RNF10: variants seen among roughly 807,000 people sequenced by gnomAD.
RNF10 encodes the protein E3 ubiquitin-protein ligase RNF10.
Under a neutral mutation model 91.4 loss-of-function variants are expected in RNF10, and 38 were observed. The observed-to-expected ratio is 0.42, with a 90% CI of 0.32 to 0.54. The LOEUF (loss-of-function observed/expected upper bound fraction) is 0.54, where lower values mean the gene tolerates loss of function less well. Ranked by LOEUF, RNF10 falls within the 20% of genes least tolerant of loss-of-function variation. RNF10 has a pLI of 0.16. For synonymous variants in RNF10, 364 were observed against 366.3 expected, an observed-to-expected ratio of 0.99 and a Z score of 0.07; for missense variants, 945 against 1,012.0, an observed-to-expected ratio of 0.93 and a Z score of 0.90.
intron 4 of RNF10, among the ~76,000 whole-genome samples, chr12:120,556,611 C>T (rs1874066873): frequency 7.0e-6 from 1 of 143,384 alleles, no homozygotes; most frequent in African/African-American, 2.6e-5. Context: ...AATGACATAG[C>T]ATAAAAACTT....
chr12:120,547,976 T>G (rs1304172819), intron 2 of RNF10, among the ~76,000 whole-genome samples: 1 of 152,140 alleles, frequency 6.6e-6, no homozygotes, highest in East Asian at 1.9e-4. Context: ...TTTGAGATAT[T>G]ACTTCCATAT....
intron 13 of RNF10, among the ~76,000 whole-genome samples, chr12:120,569,212 G>T (rs938761884): frequency 2.6e-5 from 4 of 152,018 alleles, no homozygotes; most frequent in Non-Finnish European, 5.9e-5. Context: ...CAGGTGATCC[G>T]CCAGCTGACC....
At chr12:120,540,336 G>C (rs1871370365) in intron 1 of RNF10, among the ~76,000 whole-genome samples, 1 of 152,092 alleles carries the variant, frequency 6.6e-6, no homozygotes, top group Non-Finnish European at 1.5e-5. Context: ...CTGTGCAAGT[G>C]ATTCTGGTGT....
chr12:120,539,419 G>C (rs1407734554), intron 1 of RNF10: 1 of 1,288,898 alleles, frequency 7.8e-7, no homozygotes, highest in African/African-American at 1.5e-5. Flanking sequence ...TCTGTAGTAA[G>C]GCCATATGTT....
Position 120,546,742 on chromosome 12 carries a change from G to A in RNF10, c.354+141G>A, listed in dbSNP as rs1872404468. ...CAAAGCAGTCTTGAGTAGGCGAGAG[G>A]GTTAACCAGGTTTGAAACCTTGCCT... On this transcript the variant is annotated intron_variant, in intron 2 of 16. Transcript: ENST00000325954. 4.8e-6 allele frequency: 3 copies of A among 627,424 alleles called. No homozygotes were observed. In the South Asian group the frequency reaches 1.2e-4, roughly 26 times the overall value. The allele number at this position is 627,424 out of a possible 1,614,324, so 38.9% of individuals were successfully genotyped here.
intron 3 of RNF10, among the ~76,000 whole-genome samples, chr12:120,553,324 G>C (rs58440772): frequency 0.03 from 4,434 of 150,110 alleles, 235 homozygotes; most frequent in African/African-American, 0.1. Context: ...TCCTGACCTC[G>C]TGATCCACCT....
intron 14 of RNF10, 184 bp from the exon 15 acceptor site, chr12:120,575,447 C>T (rs1444083739): frequency 1.6e-6 from 1 of 645,138 alleles, no homozygotes; most frequent in Non-Finnish European, 2.7e-6. Flanking sequence ...GTTTCATTGC[C>T]ATTTCCATTA....
chr12:120,573,182 T>A (rs892336544), intron 14 of RNF10, among the ~76,000 whole-genome samples: 3 of 152,168 alleles, frequency 2.0e-5, no homozygotes, highest in African/African-American at 7.2e-5. Context: ...GTGATCACAT[T>A]AGAGAAATTC....
chr12:120,540,552 C>T (rs895182018), intron 1 of RNF10, among the ~76,000 whole-genome samples: 1 of 152,138 alleles, frequency 6.6e-6, no homozygotes, highest in Non-Finnish European at 1.5e-5. Flanking sequence ...ATCTCTGGGT[C>T]CCAGGCCTGA....
rs1012262198 is a variant in RNF10, at chr12:120,534,661, G to C, written c.-151G>C. The C allele has an allele frequency of 3.7e-5, 50 of 1,361,920 alleles. No homozygotes were observed. The highest frequency in any genetic ancestry group is 4.5e-5 in the Non-Finnish European group (48 of 1,065,286). The allele number at this position is 1,361,920 out of a possible 1,614,324, so 84.4% of individuals were successfully genotyped here. A position where few individuals can be genotyped will look rare whatever the true frequency, so the allele number is the denominator to read the frequency against. On this transcript the variant is annotated 5_prime_UTR_variant, in exon 1 of 17. Coordinates refer to ENST00000325954, the MANE Select transcript of RNF10 (RefSeq NM_014868.5). Reference sequence around the variant, plus strand: ...CGTCCGCCGCTTCTCTTCCTAGTTTGAGAAGCCAAGGAAGGAAACAGGGAA... The same window carrying C: ...CGTCCGCCGCTTCTCTTCCTAGTTTCAGAAGCCAAGGAAGGAAACAGGGAA...
intron 16 of RNF10, 49 bp downstream of exon 16, chr12:120,575,999 G>A (rs765752791): frequency 4.0e-5 from 63 of 1,589,362 alleles, no homozygotes; most frequent in East Asian, 8.9e-5. Context: ...TACTACACAT[G>A]TACTGCCATT....
chr12:120,553,735 T>C (rs917395463), intron 3 of RNF10, among the ~76,000 whole-genome samples: 8 of 152,040 alleles, frequency 5.3e-5, no homozygotes, highest in Non-Finnish European at 1.0e-4. Flanking sequence ...GACAATTGAA[T>C]GACAAGTTGA....
At chr12:120,546,663 C>A in intron 2 of RNF10, 62 bp downstream of exon 2, 3 of 1,432,500 alleles carry the variant, frequency 2.1e-6, no homozygotes, top group Non-Finnish European at 2.9e-6. Flanking sequence ...CATCCCCCGT[C>A]CCCCAGTTTA....
chr12:120,560,995 C>A (rs1874764057), intron 7 of RNF10, 109 bp downstream of exon 7: 1 of 1,125,154 alleles, frequency 8.9e-7, no homozygotes, highest in Non-Finnish European at 1.2e-6. Context: ...ATGATGGACG[C>A]TGGGGATTAA....
intron 1 of RNF10, among the ~76,000 whole-genome samples, chr12:120,543,023 T>C (rs550815682): frequency 6.6e-6 from 1 of 152,026 alleles, no homozygotes; most frequent in African/African-American, 2.4e-5. Context: ...GACATCTCAT[T>C]TATACAGTGA....
chr12:120,559,231 G>T (rs1408436540), intron 6 of RNF10, among the ~76,000 whole-genome samples: 6 of 140,314 alleles, frequency 4.3e-5, no homozygotes, highest in Non-Finnish European at 9.0e-5. Context: ...TCCCAGGCTG[G>T]AGTGCAATGG....
intron 13 of RNF10, among the ~76,000 whole-genome samples, 162 bp downstream of exon 13, chr12:120,567,142 C>T (rs899063886): frequency 7.2e-5 from 11 of 152,170 alleles, no homozygotes; most frequent in Non-Finnish European, 1.6e-4. Context: ...ATTCATCTTT[C>T]CCACTTGCTA....
rs575740022 is a variant in RNF10, at chr12:120,577,551, C to T, written c.*885C>T. ...AGTGACCTCTAGGTGCATTAGAATG[C>T]GAAGGCAAATAGTTGCAATAAATCA... On this transcript the variant is annotated 3_prime_UTR_variant, in exon 17 of 17. Coordinates refer to ENST00000325954, the MANE Select transcript of RNF10 (RefSeq NM_014868.5). 15 of 171,660 alleles carry T rather than the reference C, an allele frequency of 8.7e-5. 1 individual carries two copies. Among genetic ancestry groups the T allele is most frequent in the South Asian group, 2.3e-4 (2 of 8,812 alleles). 10.6% of individuals were successfully genotyped at this position (171,660 alleles called of 1,614,324 possible).
intron 4 of RNF10, among the ~76,000 whole-genome samples, chr12:120,556,531 A>C (rs1175913838): frequency 1.7e-5 from 1 of 59,520 alleles, no homozygotes; most frequent in Non-Finnish European, 3.4e-5. Context: ...ACTCCGTCTC[A>C]AAAAAAAAAA....
Sources: gnomAD v4.1 joint callset for allele counts (sites outside exome capture counted in the v4.1 genomes callset) on GRCh38, gnomAD v4.1.1 for gene constraint, MANE v1.5 for transcripts, NCBI Gene and HGNC (gene_info 2026-07-23, HGNC 2026-07-21) for gene names.